The following KIZ variants were observed in gnomAD, a reference collection of about 807,000 sequenced individuals.
KIZ encodes the protein centrosomal protein kizuna.
A neutral mutation model predicts 79.6 loss-of-function variants in KIZ; 68 were observed. The observed-to-expected ratio is 0.85, with a 90% CI of 0.70 to 1.05. The LOEUF (loss-of-function observed/expected upper bound fraction) is 1.05, where lower values mean the gene tolerates loss of function less well. Among genes scored for constraint, KIZ ranks in the 50% least tolerant of loss-of-function variants. The pLI is 0.00. For missense variants in KIZ, 797 were observed against 800.4 expected (o/e 1.00, Z 0.05); for synonymous variants, 280 against 281.8 (o/e 0.99, Z 0.06).
At chr20:21,237,030 G>A (rs1027218737) in intron 11 of KIZ, among the ~76,000 whole-genome samples, 19 of 149,638 alleles carry the variant, frequency 1.3e-4, no homozygotes, top group South Asian at 2.1e-4. Flanking sequence ...GGCTGGGTGC[G>A]GTGGCTCACA....
chr20:21,191,337 C>T lies in KIZ; in HGVS notation c.1353-14154C>T, dbSNP rs543660939. On this transcript the variant is annotated intron_variant, in intron 6 of 12. Transcript: ENST00000619189. ...GCAAGTTTTCCATGTAATAGACATG[C>T]CAGGCAGAAGGAAAGCAGACACAAC... is the stretch of plus-strand genomic sequence containing the variant. Among the ~76,000 whole-genome samples, 5 of 152,290 alleles carry T rather than the reference C, an allele frequency of 3.3e-5. No homozygotes were observed. The South Asian group carries it at 1.0e-3, about 32-fold the overall frequency.
At chr20:21,166,576 C>T in intron 6 of KIZ, 2 of 1,385,560 alleles carry the variant, frequency 1.4e-6, no homozygotes, top group Admixed American at 1.7e-5. Context: ...GAGCATCTGC[C>T]AGGACATTCA....
At chr20:21,166,393 G>A (rs6137277) in intron 6 of KIZ, 1 of 1,599,392 alleles carries the variant, frequency 6.3e-7, no homozygotes, top group Admixed American at 1.7e-5. Flanking sequence ...CACTTGTTTA[G>A]CCTGCCTGTG....
chr20:21,180,272 G>GT (rs1199508854), intron 6 of KIZ, among the ~76,000 whole-genome samples: 3 of 149,312 alleles, frequency 2.0e-5, no homozygotes, highest in African/African-American at 7.4e-5. Flanking sequence ...AATTCAGGCA[G>GT]TTTTTTAAAA....
At chr20:21,177,593 A>G (rs2034487148) in intron 6 of KIZ, among the ~76,000 whole-genome samples, 1 of 152,024 alleles carries the variant, frequency 6.6e-6, no homozygotes. Context: ...ATGTAGTCCC[A>G]CTTGTCTATT....
chr20:21,208,887 T>C (rs2035951116), intron 7 of KIZ, among the ~76,000 whole-genome samples: 1 of 152,184 alleles, frequency 6.6e-6, no homozygotes, highest in South Asian at 2.1e-4. Context: ...TTCCGATTAG[T>C]GAAATCAAGT....
intron 2 of KIZ, among the ~76,000 whole-genome samples, chr20:21,133,758 T>G (rs1413451751): frequency 6.6e-6 from 1 of 152,118 alleles, no homozygotes; most frequent in Non-Finnish European, 1.5e-5. Context: ...CACCTAAAAT[T>G]GGAGAGCAGG....
At position 21,213,086 on chromosome 20, in the gene KIZ, A is replaced by G. The variant is rs576361411; in HGVS notation, c.1447-1449A>G. ...GGGACTAGAACTCCTTAAATCCCCC[A>G]ATCAGCTACTCCAGCTCCTCAGGTA... On this transcript the variant is annotated intron_variant, in intron 7 of 12. Transcript: ENST00000619189. Among the ~76,000 whole-genome samples, 39 of 152,250 alleles carry G rather than the reference A, an allele frequency of 2.6e-4. 1 individual carries two copies. Among genetic ancestry groups the G allele is most frequent in the Non-Finnish European group, 4.7e-4 (32 of 68,014 alleles).
At position 21,163,008 on chromosome 20, in the gene KIZ, A is replaced by G; in HGVS notation, c.1201A>G (p.Lys401Glu). 2 of 1,613,960 alleles carry G rather than the reference A, an allele frequency of 1.2e-6. No individual in the cohort carries two copies. Among genetic ancestry groups the G allele is most frequent in the Non-Finnish European group, 1.7e-6 (2 of 1,179,858 alleles). The part of the protein sequence containing the change: ...SPEPQPNPGG[K>E]MEGEDGIEAL... ...AGAACCACAGCCAAATCCAGGTGGC[A>G]AGATGGAGGGAGAAGATGGAATAGA... The change falls in exon 6 of 13, where the codon AAG (lysine) becomes GAG (glutamate). Residue 401 changes from lysine to glutamate, a missense_variant. Physicochemically the swap from Lys to Glu is moderately conservative, Grantham distance 56. Transcript: ENST00000619189.
At chr20:21,154,230 T>C (rs2033262175) in intron 4 of KIZ, 1 of 152,180 alleles carries the variant, frequency 6.6e-6, no homozygotes, top group Admixed American at 6.5e-5. Flanking sequence ...AATAAAGATT[T>C]CCTTAGCATT....
intron 6 of KIZ, chr20:21,166,596 T>C (rs1200373626): frequency 1.6e-6 from 2 of 1,270,710 alleles, no homozygotes; most frequent in Non-Finnish European, 1.1e-6. Flanking sequence ...ATGCGCACCA[T>C]TGTGGCGGTG....
intron 6 of KIZ, among the ~76,000 whole-genome samples, chr20:21,202,577 C>T (rs1359023279): frequency 6.6e-6 from 1 of 152,150 alleles, no homozygotes; most frequent in Admixed American, 6.5e-5. Flanking sequence ...TTAGGTCAGG[C>T]ACAAGTAATA....
At chr20:21,188,197 C>A (rs1355755414) in intron 6 of KIZ, among the ~76,000 whole-genome samples, 1 of 152,210 alleles carries the variant, frequency 6.6e-6, no homozygotes, top group African/African-American at 2.4e-5. Context: ...CTAACCTACC[C>A]TGTTTGATTG....
intron 7 of KIZ, among the ~76,000 whole-genome samples, chr20:21,207,041 G>A (rs1467728941): frequency 2.0e-5 from 3 of 152,132 alleles, no homozygotes; most frequent in Non-Finnish European, 4.4e-5. Flanking sequence ...TTGTTTCAAA[G>A]CATGTTTTTT....
At chr20:21,217,697 CTTAAAGT>C (rs1291589234) in intron 9 of KIZ, among the ~76,000 whole-genome samples, 1 of 152,112 alleles carries the variant, frequency 6.6e-6, no homozygotes, top group Non-Finnish European at 1.5e-5. Context: ...ATAGGATTGT[CTTAAAGT>C]TTAAATGAAA....
At chr20:21,166,071 A>G (rs971603203) in intron 6 of KIZ, 9 of 620,376 alleles carry the variant, frequency 1.5e-5, no homozygotes, top group Non-Finnish European at 2.5e-5. Flanking sequence ...GGTTCAAGCA[A>G]TTCTCCTGCC....
chr20:21,162,289 A>G lies in KIZ; in HGVS notation c.824A>G (p.Asn275Ser), dbSNP rs1048616045. The change falls in exon 5 of 13, where the codon AAT becomes AGT. Residue 275 changes from asparagine to serine, a missense_variant. Asn to Ser is a conservative substitution (Grantham distance 46). Coordinates refer to ENST00000619189, the MANE Select transcript of KIZ (RefSeq NM_018474.6). The stretch of plus-strand genomic sequence containing the variant: ...GAAGGCAAAAAGTCTGCTGAACTCA[A>G]TTCCCCGTTACGGGAAAGATTAAGT... ...LSEGKKSAEL[N>S]SPLRERLSPE... 11 of 1,613,802 alleles carry G rather than the reference A, an allele frequency of 6.8e-6. No homozygotes were observed. The highest frequency in any genetic ancestry group is 3.3e-4 in the Middle Eastern group (2 of 6,084).
intron 6 of KIZ, among the ~76,000 whole-genome samples, chr20:21,170,726 T>C (rs918088364): frequency 2.0e-5 from 3 of 152,158 alleles, no homozygotes; most frequent in African/African-American, 7.2e-5. Flanking sequence ...CTAACTTATC[T>C]TTTTGTATCC....
At chr20:21,161,079 G>A (rs1198985208) in intron 4 of KIZ, 1 of 152,164 alleles carries the variant, frequency 6.6e-6, no homozygotes, top group Non-Finnish European at 1.5e-5. Flanking sequence ...TTTCTCTAAT[G>A]AATAATGATA....
Sources: gnomAD v4.1 joint callset for allele counts (sites outside exome capture counted in the v4.1 genomes callset) on GRCh38, gnomAD v4.1.1 for gene constraint, MANE v1.5 for transcripts, NCBI Gene and HGNC (gene_info 2026-07-23, HGNC 2026-07-21) for gene names.